The following TMEM101 variants were observed in gnomAD, a reference collection of about 807,000 sequenced individuals.
TMEM101 encodes the protein putative NF-kappa-B-activating protein 130.
Under a neutral mutation model 26.0 loss-of-function variants are expected in TMEM101, and 14 were observed. The ratio of observed to expected loss-of-function variants is 0.54; its 90% CI spans 0.36 to 0.84. The LOEUF is 0.84. TMEM101 is among the 40% of genes least tolerant of loss of function. The pLI, the probability that TMEM101 is intolerant of heterozygous loss-of-function variation, is 0.01. For missense variants in TMEM101, 292 were observed against 345.1 expected (o/e 0.85, Z 1.22); for synonymous variants, 152 against 145.1 (o/e 1.05, Z -0.34).
Position 44,011,729 on chromosome 17 carries a change from G to A in TMEM101, c.*199C>T, listed in dbSNP as rs2049159485. 2 of 608,774 alleles carry A rather than the reference G, an allele frequency of 3.3e-6. No individual in the cohort carries two copies. 37.7% of individuals were successfully genotyped at this position (608,774 alleles called of 1,614,324 possible). A position where few individuals can be genotyped will look rare whatever the true frequency, so the allele number is the denominator to read the frequency against. ...AAACCTGTACAGCATTAGTGCCAGG[G>A]CTCCTGCCCTCCCAAGCGCTGAGCC... On this transcript the variant is annotated 3_prime_UTR_variant, in exon 4 of 4. Transcript: ENST00000206380.
Position 44,014,948 on chromosome 17 carries a change from G to A in TMEM101, c.5C>T (p.Ala2Val). ...CCACCGTCTCGAACCTATCTTCGAC[G>A]CCATCTTGGGAAAGGGCAGTCCGCT... M[A>V]SKIGSRRWML... Residue 2 changes from alanine (A) to valine (V), a missense_variant, in exon 1 of 4, where the codon GCG becomes GTG. By Grantham distance (64) the Ala-to-Val change is moderately conservative. Transcript: ENST00000206380. 1.2e-6 allele frequency: 2 copies of A among 1,610,798 alleles called. No individual in the cohort carries two copies. The highest frequency in any genetic ancestry group is 8.5e-7 in the Non-Finnish European group (1 of 1,178,054).
At position 44,013,044 on chromosome 17, in the gene TMEM101, C is replaced by G. The variant is rs780393187; in HGVS notation, c.430G>C (p.Gly144Arg). ...AGGTAGATACCCAGGAACACCTGGCCGGTGGACTGCAGGGAGCGGCTGCGA... is the reference window on the plus strand; with the variant it reads ...AGGTAGATACCCAGGAACACCTGGCGGGTGGACTGCAGGGAGCGGCTGCGA... Reference protein sequence around the residue: ...KPRSRSLQSTGQVFLGIYLIC... With the variant: ...KPRSRSLQSTRQVFLGIYLIC... Residue 144 changes from glycine (G) to arginine (R), a missense_variant, in exon 3 of 4, where the codon GGC becomes CGC. This residue lies in a region of TMEM101 where 149 missense variants were observed against 211.9 expected (regional missense o/e 0.70). Transcript: ENST00000206380. The G allele has an allele frequency of 1.9e-6, 3 of 1,608,012 alleles. No homozygotes were observed. In the South Asian group the frequency reaches 3.3e-5, roughly 18 times the overall value.
Position 44,012,189 on chromosome 17 carries a change from G to C in TMEM101, c.513C>G (p.Asn171Lys). 2 of 1,614,144 alleles carry C rather than the reference G, an allele frequency of 1.2e-6. No homozygotes were observed. Among genetic ancestry groups the C allele is most frequent in the Non-Finnish European group, 1.7e-6 (2 of 1,180,012 alleles). Reference sequence around the variant, plus strand: ...TCATCAGCTCCCCTCCTGGGAGATGGTTCAGATACGCCAGCCGGTCCTCCT... The same window carrying C: ...TCATCAGCTCCCCTCCTGGGAGATGCTTCAGATACGCCAGCCGGTCCTCCT... ...HSKEDRLAYL[N>K]HLPGGELMIQ... is the part of the protein sequence containing the mutation. Residue 171 changes from asparagine to lysine, a missense_variant, in exon 4 of 4, where the codon AAC (asparagine) becomes AAG (lysine). Coordinates refer to ENST00000206380, the MANE Select transcript of TMEM101 (RefSeq NM_032376.4).
At chr17:44,023,011 GA>G in intron 1 of TMEM101, 2 of 247,866 alleles carry the variant, frequency 8.1e-6, no homozygotes, top group Admixed American at 5.6e-5. Context: ...GGGGAGAAGG[GA>G]AAAGAGATAT....
At chr17:44,019,544 T>C (rs1210370391), upstream of TMEM101, 1 of 168,306 alleles carries the variant, frequency 5.9e-6, no homozygotes, top group Non-Finnish European at 1.3e-5. Context: ...TCTGTTGTTT[T>C]TCAATAACTA....
At chr17:44,018,307 A>C (rs2049253328), upstream of TMEM101, among the ~76,000 whole-genome samples, 2 of 152,160 alleles carry the variant, frequency 1.3e-5, no homozygotes. Flanking sequence ...CCTGGGTGAC[A>C]AAGCAAGACC....
upstream of TMEM101, chr17:44,019,331 C>A: frequency 2.3e-6 from 1 of 434,496 alleles, no homozygotes; most frequent in South Asian, 1.7e-5. Context: ...ATGGCGGATT[C>A]ACCACCAGAC....
chr17:44,015,187 A>C, upstream of TMEM101: 1 of 480,226 alleles, frequency 2.1e-6, no homozygotes, highest in African/African-American at 2.0e-5. Context: ...TAGAGGAAGG[A>C]ACAGTGGGTT....
chr17:44,014,736 G>A lies in TMEM101; in HGVS notation c.137+80C>T, dbSNP rs978075787. On this transcript the variant is annotated intron_variant, in intron 1 of 3. Transcript: ENST00000206380. Reference sequence around the variant, plus strand: ...GAGGTCCCAATTCCTCCCAGTTCAAGGGTCCCGACTTCTAGCCCCCAATTT... The same window carrying A: ...GAGGTCCCAATTCCTCCCAGTTCAAAGGTCCCGACTTCTAGCCCCCAATTT... 3.0e-5 allele frequency: 46 copies of A among 1,512,874 alleles called. No individual in the cohort carries two copies. The African/African-American group carries it at 6.1e-4, about 20-fold the overall frequency. The allele number at this position is 1,512,874 out of a possible 1,614,324, so 93.7% of individuals were successfully genotyped here.
At chr17:44,015,493 A>C (rs1310014976), upstream of TMEM101, among the ~76,000 whole-genome samples, 1 of 152,156 alleles carries the variant, frequency 6.6e-6, no homozygotes, top group Non-Finnish European at 1.5e-5. Context: ...ACCTGGGTTC[A>C]AGCGATTCTC....
rs1167220809 is a variant in TMEM101, at chr17:44,012,104, C to T, written c.598G>A (p.Val200Met). ...LALAFLSGYY[V>M]TLAAQILAVL... ...GCCAGGATCTGGGCAGCGAGGGTCA[C>T]GTAGTAGCCTGACAGAAAGGCCAGG... Residue 200 changes from valine to methionine, a missense_variant, in exon 4 of 4, where the codon GTG becomes ATG. Physicochemically the swap from Val to Met is conservative, Grantham distance 21. Around this residue, in one of 2 missense-constraint regions of TMEM101, gnomAD observed 149 missense variants for 211.9 expected, o/e 0.70. Coordinates refer to ENST00000206380, the MANE Select transcript of TMEM101 (RefSeq NM_032376.4). 8.7e-6 allele frequency: 14 copies of T among 1,614,228 alleles called. No homozygotes were observed. The East Asian group carries it at 2.0e-4, about 23-fold the overall frequency.
upstream of TMEM101, among the ~76,000 whole-genome samples, chr17:44,016,629 G>C (rs2049234233): frequency 1.3e-5 from 2 of 152,192 alleles, no homozygotes; most frequent in Non-Finnish European, 2.9e-5. Flanking sequence ...TGAAAATACT[G>C]TAAGTTGAAA....
At chr17:44,013,864 G>A (rs1275775942) in intron 2 of TMEM101, among the ~76,000 whole-genome samples, 2 of 152,088 alleles carry the variant, frequency 1.3e-5, no homozygotes, top group African/African-American at 4.8e-5. Context: ...TCCCCTAAGG[G>A]TCTGACAGTC....
At chr17:44,022,466 C>T (rs796471025) in intron 1 of TMEM101, among the ~76,000 whole-genome samples, 1 of 152,218 alleles carries the variant, frequency 6.6e-6, no homozygotes, top group Non-Finnish European at 1.5e-5. Flanking sequence ...GGGCCAGGAC[C>T]AGTCTGGAAG....
chr17:44,016,677 G>A (rs796492508), upstream of TMEM101, among the ~76,000 whole-genome samples: 14 of 152,316 alleles, frequency 9.2e-5, no homozygotes, highest in African/African-American at 3.1e-4. Context: ...TGCTGACACT[G>A]CCCAGCATTG....
upstream of TMEM101, among the ~76,000 whole-genome samples, chr17:44,018,014 A>G (rs1287239931): frequency 6.6e-6 from 1 of 152,152 alleles, no homozygotes; most frequent in Non-Finnish European, 1.5e-5. Flanking sequence ...GATCCCAACT[A>G]TTCAGGAGGC....
chr17:44,017,269 C>T (rs901669000), upstream of TMEM101, among the ~76,000 whole-genome samples: 1 of 151,608 alleles, frequency 6.6e-6, no homozygotes, highest in African/African-American at 2.4e-5. Flanking sequence ...TCGAGACCAG[C>T]GTGGCCAACA....
intron 3 of TMEM101, 189 bp downstream of exon 3, chr17:44,012,820 G>T: frequency 2.0e-6 from 1 of 498,102 alleles, no homozygotes; most frequent in Non-Finnish European, 3.4e-6. Flanking sequence ...GTTGGAGGAA[G>T]GGCCTCTCAA....
In TMEM101 at chr17:44,014,482, A is replaced by C; in HGVS notation, c.193T>G (p.Cys65Gly). Residue 65 changes from cysteine to glycine, a missense_variant, in exon 2 of 4, where the codon TGC becomes GGC. This residue lies in a region of TMEM101 where 143 missense variants were observed against 133.2 expected (regional missense o/e 1.07). Transcript: ENST00000206380. ...LYFDMGAAVL[C>G]ASFMSFGVKR... ...ACGCCAAAGGACATGAAACTAGCGC[A>C]CAGCACGGCTGCCCCCATGTCGAAA... 1 of 1,566,274 alleles carries C rather than the reference A, an allele frequency of 6.4e-7. No homozygotes were observed. Among genetic ancestry groups the C allele is most frequent in the Non-Finnish European group, 8.7e-7 (1 of 1,155,196 alleles).
Sources: allele counts gnomAD v4.1 joint callset (sites outside exome capture counted in the v4.1 genomes callset), GRCh38; gene constraint gnomAD v4.1.1; regional missense constraint gnomAD v4.1.1; transcripts MANE v1.5; gene names NCBI Gene and HGNC (gene_info 2026-07-23, HGNC 2026-07-21).